SESN3: variants seen among roughly 807,000 people sequenced by gnomAD.
The protein encoded by SESN3 is sestrin 3, also known as sestrin-3.
In SESN3, 21 loss-of-function variants were observed where a neutral mutation model predicts 55.3. The ratio of observed to expected loss-of-function variants is 0.38; its 90% CI spans 0.27 to 0.55. SESN3 has a LOEUF of 0.55. Ranked by LOEUF, SESN3 falls within the 20% of genes least tolerant of loss-of-function variation. The pLI, the probability that SESN3 is intolerant of heterozygous loss-of-function variation, is 0.76. For synonymous variants in SESN3, 181 were observed against 203.1 expected, an observed-to-expected ratio of 0.89 and a Z score of 0.93; for missense variants, 408 against 604.3, an observed-to-expected ratio of 0.68 and a Z score of 3.41.
intron 9 of SESN3, 116 bp downstream of exon 9, chr11:95,175,382 C>T: frequency 1.1e-6 from 1 of 922,354 alleles, no homozygotes; most frequent in African/African-American, 1.7e-5. Context: ...TAGATGATGC[C>T]ACTTCCATGT....
chr11:95,200,107 C>T (rs1860434151), intron 1 of SESN3, among the ~76,000 whole-genome samples: 1 of 152,004 alleles, frequency 6.6e-6, no homozygotes, highest in Non-Finnish European at 1.5e-5. Flanking sequence ...AGTTTTTGAC[C>T]CTCCTTTTAT....
chr11:95,192,216 G>T (rs537148029), intron 2 of SESN3, among the ~76,000 whole-genome samples: 22 of 151,984 alleles, frequency 1.4e-4, no homozygotes, highest in Non-Finnish European at 3.1e-4. Flanking sequence ...GCAAGTTATT[G>T]AAATGGACAT....
intron 9 of SESN3, among the ~76,000 whole-genome samples, chr11:95,174,566 C>T (rs1016759770): frequency 6.6e-6 from 1 of 152,080 alleles, no homozygotes; most frequent in African/African-American, 2.4e-5. Context: ...TCACTGCAAC[C>T]TCTGCCTCCT....
At chr11:95,215,371 C>T (rs956856145) in intron 1 of SESN3, among the ~76,000 whole-genome samples, 5 of 152,006 alleles carry the variant, frequency 3.3e-5, no homozygotes, top group Admixed American at 6.5e-5. Context: ...GATTTGCCTA[C>T]GGAATTGTTA....
intron 1 of SESN3, among the ~76,000 whole-genome samples, chr11:95,215,251 G>A (rs1487401017): frequency 2.6e-5 from 3 of 117,050 alleles, no homozygotes. Flanking sequence ...AGATTCAGCA[G>A]GTCTAGGGGT....
In SESN3 at chr11:95,191,533, A is replaced by G. The variant is rs1163157268; in HGVS notation, c.213T>C (p.Arg71=). ...FLVEEYSTSG[R]LDNITQVMSL... is the part of the protein sequence containing the mutation. The stretch of plus-strand genomic sequence containing the variant: ...TCATGACCTGTGTGATGTTGTCCAG[A>G]CGACCGGATGTAGAGTATTCTTCCA... The change falls in exon 3 of 10, where the codon CGT becomes CGC. Residue 71 remains arginine (R), a synonymous_variant. Coordinates refer to ENST00000536441, the MANE Select transcript of SESN3 (RefSeq NM_144665.4). 18 of 1,613,028 alleles carry G rather than the reference A, an allele frequency of 1.1e-5. No individual in the cohort carries two copies. The highest frequency in any genetic ancestry group is 1.5e-5 in the Non-Finnish European group (18 of 1,179,308).
At chr11:95,186,765 C>T (rs976484331) in intron 4 of SESN3, among the ~76,000 whole-genome samples, 3 of 151,640 alleles carry the variant, frequency 2.0e-5, no homozygotes, top group Admixed American at 1.3e-4. Context: ...AAAAAGTGAT[C>T]TTAAGACAAA....
intron 6 of SESN3, chr11:95,184,199 T>C (rs1215304946): frequency 3.4e-6 from 2 of 587,184 alleles, no homozygotes; most frequent in East Asian, 2.8e-5. Flanking sequence ...GGATAGAGTA[T>C]GAACTACAAA....
intron 8 of SESN3, among the ~76,000 whole-genome samples, chr11:95,176,032 A>C (rs2134214602): frequency 6.6e-6 from 1 of 152,340 alleles, no homozygotes; most frequent in South Asian, 2.1e-4. Context: ...TATTTGAACA[A>C]ATACCAGATG....
intron 1 of SESN3, among the ~76,000 whole-genome samples, chr11:95,218,360 G>A (rs899155027): frequency 6.6e-6 from 1 of 152,160 alleles, no homozygotes; most frequent in South Asian, 2.1e-4. Context: ...AAGTCATCAC[G>A]CTACGTAGGT....
At chr11:95,229,979 C>T (rs1244935331) in intron 1 of SESN3, among the ~76,000 whole-genome samples, 5 of 152,150 alleles carry the variant, frequency 3.3e-5, no homozygotes, top group Admixed American at 2.6e-4. Context: ...CTCGCCCTTC[C>T]CCGCGGGGCG....
chr11:95,202,543 T>C (rs1314351636), intron 1 of SESN3, among the ~76,000 whole-genome samples: 2 of 152,058 alleles, frequency 1.3e-5, no homozygotes, highest in Non-Finnish European at 2.9e-5. Flanking sequence ...AAATCAGTAA[T>C]ATTCCATGCT....
At chr11:95,187,736 T>G (rs1001122195) in intron 4 of SESN3, among the ~76,000 whole-genome samples, 2 of 151,874 alleles carry the variant, frequency 1.3e-5, no homozygotes, top group Admixed American at 6.6e-5. Context: ...CAACCTGACC[T>G]TTGCTTATCT....
In SESN3 at chr11:95,231,171, C is replaced by T. The variant is rs1326676901; in HGVS notation, c.-311G>A. On this transcript the variant is annotated 5_prime_UTR_variant, in exon 1 of 10. In the 5' UTR this introduces an upstream ATG that the reference lacks. Coordinates refer to ENST00000536441, the MANE Select transcript of SESN3 (RefSeq NM_144665.4). The stretch of plus-strand genomic sequence containing the variant: ...GGACGAGCAGCCGCCACCGCTGCCA[C>T]CGCCACCACCGCCGCCGCAGCGCCT... The T allele has an allele frequency of 9.6e-6, 4 of 418,294 alleles. No individual in the cohort carries two copies. The highest frequency in any genetic ancestry group is 1.7e-5 in the Non-Finnish European group (4 of 239,550). The allele number at this position is 418,294 out of a possible 1,614,324, so 25.9% of individuals were successfully genotyped here. A position where few individuals can be genotyped will look rare whatever the true frequency, so the allele number is the denominator to read the frequency against.
At chr11:95,194,145 TTTAAGTTTTTAAAAATTTG>T (rs944205839) in intron 1 of SESN3, among the ~76,000 whole-genome samples, 2 of 152,120 alleles carry the variant, frequency 1.3e-5, no homozygotes, top group Admixed American at 6.6e-5. Context: ...CTGATTTTTT[TTTAAGTTTTTAAAAATTTG>T]TTAACTTTTT....
intron 1 of SESN3, among the ~76,000 whole-genome samples, chr11:95,196,078 T>G (rs1343878911): frequency 6.6e-6 from 1 of 152,182 alleles, no homozygotes; most frequent in Non-Finnish European, 1.5e-5. Flanking sequence ...AGATAAAATA[T>G]GGCCCGACCT....
intron 9 of SESN3, among the ~76,000 whole-genome samples, chr11:95,174,062 G>A (rs1203999221): frequency 6.6e-6 from 1 of 152,080 alleles, no homozygotes; most frequent in Non-Finnish European, 1.5e-5. Flanking sequence ...AGAAAATCTA[G>A]AGCAAACATA....
At chr11:95,185,669 T>C (rs1272798810) in intron 4 of SESN3, among the ~76,000 whole-genome samples, 177 bp from the exon 5 acceptor site, 1 of 152,120 alleles carries the variant, frequency 6.6e-6, no homozygotes, top group Non-Finnish European at 1.5e-5. Flanking sequence ...ATTAAAACTA[T>C]CATACCTAAC....
chr11:95,201,223 C>G (rs1281547375), intron 1 of SESN3: 1 of 151,920 alleles, frequency 6.6e-6, no homozygotes, highest in African/African-American at 2.4e-5. Context: ...GAGCCCAAAG[C>G]TACACAAGCT....
Sources: allele counts gnomAD v4.1 joint callset (sites outside exome capture counted in the v4.1 genomes callset), GRCh38; gene constraint gnomAD v4.1.1; transcripts MANE v1.5; gene names NCBI Gene and HGNC (gene_info 2026-07-23, HGNC 2026-07-21).